Variants in AP1M1 observed in about 807,000 individuals in gnomAD.
The protein encoded by AP1M1 is AP-1 complex subunit mu-1.
A neutral mutation model predicts 57.1 loss-of-function variants in AP1M1; 18 were observed. The observed-to-expected ratio is 0.32, with a 90% confidence interval of 0.22 to 0.47. AP1M1 has a LOEUF of 0.47. AP1M1 is among the 20% of genes least tolerant of loss of function. The pLI is 1.00. For missense variants in AP1M1, 362 were observed against 593.5 expected, an observed-to-expected ratio of 0.61 and a Z score of 4.05; for synonymous variants, 241 against 237.9, an observed-to-expected ratio of 1.01 and a Z score of -0.12.
chr19:16,203,448 C>G lies in AP1M1; in HGVS notation c.43-11C>G. On this transcript the variant is annotated splice_polypyrimidine_tract_variant and intron_variant, in intron 1 of 11. Coordinates refer to ENST00000291439, the MANE Select transcript of AP1M1 (RefSeq NM_032493.4). This position sits in a 1 kb window ranked among gnomAD's most constrained non-coding sequence, Gnocchi z 4.6. ...AATGCAAGCATCTTTTCTCTTCCTT[C>G]CCCACCCCAGGTGCTCATCTGCCGG... 6.2e-7 allele frequency: 1 copy of G among 1,614,144 alleles called. No individual in the cohort carries two copies. The highest frequency in any genetic ancestry group is 1.1e-5 in the South Asian group (1 of 91,086).
At chr19:16,211,967 A>G (rs1599456657) in intron 5 of AP1M1, among the ~76,000 whole-genome samples, 1 of 152,110 alleles carries the variant, frequency 6.6e-6, no homozygotes, top group African/African-American at 2.4e-5. Flanking sequence ...ATTGTGGCGG[A>G]TTAGCTTTTT....
In AP1M1 at chr19:16,206,562, C is replaced by G; in HGVS notation, c.267+154C>G. On this transcript the variant is annotated intron_variant, in intron 3 of 11. Transcript: ENST00000291439. The surrounding 1 kb of genome is among the most constrained non-coding windows in gnomAD (Gnocchi z 4.3). ...AGGAAGTGGGAAAGGGGAGTCCCAA[C>G]TCCCCACGCCTGTGGAATTCTATAG... 1.4e-6 allele frequency: 1 copy of G among 724,094 alleles called. No homozygotes were observed. The highest frequency in any genetic ancestry group is 2.4e-6 in the Non-Finnish European group (1 of 421,002). The allele number at this position is 724,094 out of a possible 1,614,324, so 44.9% of individuals were successfully genotyped here. A position where few individuals can be genotyped will look rare whatever the true frequency, so the allele number is the denominator to read the frequency against.
rs555041062 is a variant in AP1M1 at position 16,226,655 on chromosome 19, C to A, written c.673+108C>A. The A allele has an allele frequency of 1.8e-5, 25 of 1,388,324 alleles. No individual in the cohort carries two copies. The South Asian group carries it at 3.0e-4, about 17-fold the overall frequency. 86.0% of individuals were successfully genotyped at this position (1,388,324 alleles called of 1,614,324 possible). On this transcript the variant is annotated intron_variant, in intron 6 of 11. Transcript: ENST00000291439. ...GGCGGAGGAACGAGCTGGTTTCAAG[C>A]ACTTGGTTGAGCAGCACTTCACACT...
At chr19:16,230,590 G>A (rs983622007) in intron 9 of AP1M1, among the ~76,000 whole-genome samples, 1 of 151,988 alleles carries the variant, frequency 6.6e-6, no homozygotes, top group Non-Finnish European at 1.5e-5. Flanking sequence ...TAATAGAGAC[G>A]GGGTTTCACC....
chr19:16,241,488 GTA>G lies in AP1M1; in HGVS notation c.*7056_*7057del, dbSNP rs1257843773. 1 of 152,124 alleles carries G rather than the reference GTA, an allele frequency of 6.6e-6. No individual in the cohort carries two copies. Among genetic ancestry groups the G allele is most frequent in the Non-Finnish European group, 1.5e-5 (1 of 68,040 alleles). 9.4% of individuals were successfully genotyped at this position (152,124 alleles called of 1,614,324 possible). On this transcript the variant is annotated 3_prime_UTR_variant, in exon 12 of 12. Transcript: ENST00000291439. ...TAAAGCAATAATAACAGTGACTAAC[GTA>G]TAGAGTAGCGACAAAAGGCGCAACT...
At position 16,203,652 on chromosome 19, in the gene AP1M1, G is replaced by T. The variant is rs780166635; in HGVS notation, c.199+37G>T. The T allele has an allele frequency of 6.4e-7, 1 of 1,571,852 alleles. No individual in the cohort carries two copies. The highest frequency in any genetic ancestry group is 1.2e-5 in the South Asian group (1 of 83,806). ...CTGGGGGTGCTCCCAGGGGACTCCT[G>T]TGTGGGTGTTGGTGTGTGTGCATAT... is the stretch of plus-strand genomic sequence containing the variant. On this transcript the variant is annotated intron_variant, in intron 2 of 11. Coordinates refer to ENST00000291439, the MANE Select transcript of AP1M1 (RefSeq NM_032493.4). This position sits in a 1 kb window ranked among gnomAD's most constrained non-coding sequence, Gnocchi z 4.6.
chr19:16,210,337 G>A (rs1489512500), intron 5 of AP1M1: 1 of 716,230 alleles, frequency 1.4e-6, no homozygotes, highest in South Asian at 1.5e-5. Flanking sequence ...TTTATGTGTG[G>A]ACATAAGTTT....
chr19:16,212,118 A>G (rs764717036), intron 5 of AP1M1, among the ~76,000 whole-genome samples: 2 of 152,144 alleles, frequency 1.3e-5, no homozygotes. Flanking sequence ...GCCTCATAGA[A>G]TGAGTAGGGG....
rs1434651667 is a variant in AP1M1, at chr19:16,237,740, A to T, written c.*3305A>T. 6.7e-6 allele frequency: 1 copy of T among 149,736 alleles called. No homozygotes were observed. The highest frequency in any genetic ancestry group is 1.5e-5 in the Non-Finnish European group (1 of 67,228). The allele number at this position is 149,736 out of a possible 1,614,324, so 9.3% of individuals were successfully genotyped here. The stretch of plus-strand genomic sequence containing the variant: ...ACAGAGCAAGACTTCATCTCAAAAG[A>T]AAAAAAAAAGGCAAACGTTCAACCA... On this transcript the variant is annotated 3_prime_UTR_variant, in exon 12 of 12. Transcript: ENST00000291439.
intron 5 of AP1M1, among the ~76,000 whole-genome samples, chr19:16,222,196 AC>A (rs1317665177): frequency 8.6e-6 from 1 of 116,568 alleles, no homozygotes; most frequent in African/African-American, 3.2e-5. Flanking sequence ...TATTATTATT[AC>A]TATTATTATT....
In AP1M1 at chr19:16,227,555, A is replaced by C; in HGVS notation, c.681A>C (p.Lys227Asn). 6.2e-7 allele frequency: 1 copy of C among 1,613,706 alleles called. No homozygotes were observed. The highest frequency in any genetic ancestry group is 8.5e-7 in the Non-Finnish European group (1 of 1,179,740). ...CCTCACCCCTGACCCCAGGCGGCAA[A>C]AGCAAATCCGTGGAGCTGGAGGATG... ...KVLFDNTGRG[K>N]SKSVELEDVK... Residue 227 changes from lysine (K) to asparagine (N), a missense_variant, in exon 7 of 12, where the codon AAA (lysine) becomes AAC (asparagine). By Grantham distance (94) the Lys-to-Asn change is moderately conservative. Coordinates refer to ENST00000291439, the MANE Select transcript of AP1M1 (RefSeq NM_032493.4). This position sits in a 1 kb window ranked among gnomAD's most constrained non-coding sequence, Gnocchi z 6.2.
chr19:16,227,387 T>C lies in AP1M1; in HGVS notation c.674-161T>C, dbSNP rs2091575884. 2.6e-5 allele frequency among the ~76,000 whole-genome samples: 4 copies of C among 151,806 alleles called. No individual in the cohort carries two copies. ...AGGGGTGTGAGGAGTGATGGGGCAG[T>C]TGTCTTGGGACCCAGCCCCCTTGGT... On this transcript the variant is annotated intron_variant, in intron 6 of 11. Transcript: ENST00000291439. This position sits in a 1 kb window ranked among gnomAD's most constrained non-coding sequence, Gnocchi z 6.2.
chr19:16,218,568 G>C (rs911086887), intron 5 of AP1M1, among the ~76,000 whole-genome samples: 1 of 152,164 alleles, frequency 6.6e-6, no homozygotes, highest in Non-Finnish European at 1.5e-5. Context: ...TCTTCCCTCC[G>C]TTCACTCTCA....
rs1005092035 is a variant in AP1M1, at chr19:16,197,946, C to T, written c.-81C>T. On this transcript the variant is annotated 5_prime_UTR_variant, in exon 1 of 12. Transcript: ENST00000291439. ...GTGAGCTGTCGCGGGCGGCGCCCGG[C>T]CTTGCTCAACGCCCAGCAGTCCCCA... 11 of 1,040,826 alleles carry T rather than the reference C, an allele frequency of 1.1e-5. No homozygotes were observed. The East Asian group carries it at 7.2e-4, about 68-fold the overall frequency. The allele number at this position is 1,040,826 out of a possible 1,614,324, so 64.5% of individuals were successfully genotyped here.
chr19:16,220,773 C>G (rs2091540668), intron 5 of AP1M1, among the ~76,000 whole-genome samples: 1 of 152,180 alleles, frequency 6.6e-6, no homozygotes, highest in Admixed American at 6.5e-5. Context: ...AAGAATGTCT[C>G]TATATTTTAC....
At chr19:16,199,951 C>T (rs1209301637) in intron 1 of AP1M1, among the ~76,000 whole-genome samples, 1 of 152,182 alleles carries the variant, frequency 6.6e-6, no homozygotes, top group African/African-American at 2.4e-5. Context: ...TAGGGGTGAG[C>T]TCAAAACCCA....
rs1312990656 is a variant in AP1M1 at position 16,236,651 on chromosome 19, C to T, written c.*2216C>T. Reference sequence around the variant, plus strand: ...CCACCCCTGAGAATAAGCACTGTGTCCTCTCTCTGCCTGAGATCCACAGGA... The same window carrying T: ...CCACCCCTGAGAATAAGCACTGTGTTCTCTCTCTGCCTGAGATCCACAGGA... On this transcript the variant is annotated 3_prime_UTR_variant, in exon 12 of 12. Coordinates refer to ENST00000291439, the MANE Select transcript of AP1M1 (RefSeq NM_032493.4). 2.0e-5 allele frequency: 3 copies of T among 152,190 alleles called. No individual in the cohort carries two copies. The highest frequency in any genetic ancestry group is 2.9e-5 in the Non-Finnish European group (2 of 68,042). 9.4% of individuals were successfully genotyped at this position (152,190 alleles called of 1,614,324 possible). A position where few individuals can be genotyped will look rare whatever the true frequency, so the allele number is the denominator to read the frequency against.
chr19:16,209,619 GAAA>G (rs11305393), intron 5 of AP1M1, among the ~76,000 whole-genome samples: 2 of 146,796 alleles, frequency 1.4e-5, no homozygotes, highest in African/African-American at 5.1e-5. Context: ...ACCATGCACA[GAAA>G]AAAAAAAAAG....
chr19:16,210,267 G>T, intron 5 of AP1M1: 2 of 665,982 alleles, frequency 3.0e-6, no homozygotes, highest in South Asian at 1.6e-5. Flanking sequence ...AGGACATTTG[G>T]GTGGTTTTCC....
Sources: allele counts gnomAD v4.1 joint callset (sites outside exome capture counted in the v4.1 genomes callset), GRCh38; gene constraint gnomAD v4.1.1; non-coding constraint Gnocchi (gnomAD v3.1); transcripts MANE v1.5; gene names NCBI Gene and HGNC (gene_info 2026-07-23, HGNC 2026-07-21).